The following STRN4 variants were observed in gnomAD, a reference collection of about 807,000 sequenced individuals.
STRN4 encodes the protein striatin-4.
Under a neutral mutation model 77.9 loss-of-function variants are expected in STRN4, and 27 were observed. The observed-to-expected ratio is 0.35, with a 90% confidence interval of 0.26 to 0.48. STRN4 has a LOEUF of 0.48. Ranked by LOEUF, STRN4 falls within the 20% of genes least tolerant of loss-of-function variation. The pLI, the probability that STRN4 is intolerant of heterozygous loss-of-function variation, is 0.99. For missense variants in STRN4, 798 were observed against 1,049.7 expected (o/e 0.76, Z 3.31); for synonymous variants, 466 against 443.1 (o/e 1.05, Z -0.65).
At position 46,741,603 on chromosome 19, in the gene STRN4, T is replaced by A. The variant is rs1299291371; in HGVS notation, c.283-2715A>T. Among the ~76,000 whole-genome samples, 2 of 152,178 alleles carry A rather than the reference T, an allele frequency of 1.3e-5. No homozygotes were observed. Among genetic ancestry groups the A allele is most frequent in the East Asian group, 3.9e-4 (2 of 5,188 alleles). The stretch of plus-strand genomic sequence containing the variant: ...TGAGGGTCGGTCGGGGATCTGGAAG[T>A]GCCGCTCACCATATCCACCCACTGC... On this transcript the variant is annotated intron_variant, in intron 1 of 17. Transcript: ENST00000263280. The surrounding 1 kb of genome is among the most constrained non-coding windows in gnomAD (Gnocchi z 4.9).
At position 46,722,080 on chromosome 19, in the gene STRN4, G is replaced by A. The variant is rs766971840; in HGVS notation, c.2006-8C>T. 9.3e-6 allele frequency: 15 copies of A among 1,612,246 alleles called. No individual in the cohort carries two copies. The highest frequency in any genetic ancestry group is 4.4e-5 in the South Asian group (4 of 91,082). On this transcript the variant is annotated splice_polypyrimidine_tract_variant and splice_region_variant and intron_variant, in intron 15 of 17. Transcript: ENST00000263280. Reference sequence around the variant, plus strand: ...TGGAGTGCACCGGCTTACCTGAGGCGAGAAGGGCGGGTGGCAGGTTCCCCT... The same window carrying A: ...TGGAGTGCACCGGCTTACCTGAGGCAAGAAGGGCGGGTGGCAGGTTCCCCT...
chr19:46,725,599 G>A lies in STRN4; in HGVS notation c.1298C>T (p.Thr433Ile). The A allele has an allele frequency of 1.2e-6, 2 of 1,614,222 alleles. No homozygotes were observed. Among genetic ancestry groups the A allele is most frequent in the Admixed American group, 1.7e-5 (1 of 60,028 alleles). The change falls in exon 10 of 18, where the codon ACC (threonine) becomes ATC (isoleucine). Residue 433 changes from threonine to isoleucine, a missense_variant. Thr to Ile is a moderately conservative substitution (Grantham distance 89, BLOSUM62 -1). This residue lies in a region of STRN4 where 287 missense variants were observed against 473.8 expected (regional missense o/e 0.61). Transcript: ENST00000263280. ...AATGCCGTCGTAGTGCGAGCGCAGG[G>A]TGAACTTGGGGTTCCACGTCTTCTT... ...AFKKTWNPKF[T>I]LRSHYDGIRS...
chr19:46,722,747 A>G, intron 14 of STRN4, 63 bp downstream of exon 14: 2 of 1,596,996 alleles, frequency 1.3e-6, no homozygotes, highest in Non-Finnish European at 1.7e-6. Flanking sequence ...CCAAAGCCCC[A>G]GGAGGAAGTG....
intron 11 of STRN4, 141 bp downstream of exon 11, chr19:46,725,191 G>C: frequency 1.6e-6 from 2 of 1,230,716 alleles, no homozygotes; most frequent in South Asian, 2.7e-5. Flanking sequence ...CCAGGGCTGT[G>C]TATATCATGA....
chr19:46,728,347 G>A lies in STRN4; in HGVS notation c.1039+271C>T, dbSNP rs1210684430. The A allele has an allele frequency of 1.7e-5, 10 of 588,726 alleles. No individual in the cohort carries two copies. The East Asian group carries it at 2.9e-4, about 17-fold the overall frequency. The allele number at this position is 588,726 out of a possible 1,614,324, so 36.5% of individuals were successfully genotyped here. A position where few individuals can be genotyped will look rare whatever the true frequency, so the allele number is the denominator to read the frequency against. On this transcript the variant is annotated intron_variant, in intron 7 of 17. Coordinates refer to ENST00000263280, the MANE Select transcript of STRN4 (RefSeq NM_013403.3). ...TCATCCTGTTCCCTCCTTGAGGCCA[G>A]CCAGAGCTGGACGCCCGCCCTGGAG...
Position 46,725,556 on chromosome 19 carries a change from G to T in STRN4, c.1341C>A (p.His447Gln). 1 of 1,614,216 alleles carries T rather than the reference G, an allele frequency of 6.2e-7. No individual in the cohort carries two copies. The highest frequency in any genetic ancestry group is 8.5e-7 in the Non-Finnish European group (1 of 1,180,042). The change falls in exon 10 of 18, where the codon CAC becomes CAA. Residue 447 changes from histidine (H) to glutamine (Q), a missense_variant. Physicochemically the swap from His to Gln is conservative, Grantham distance 24. Around this residue, in one of 2 missense-constraint regions of STRN4, gnomAD observed 287 missense variants for 473.8 expected, o/e 0.61. Transcript: ENST00000263280. Reference sequence around the variant, plus strand: ...CGGTGAGCAGAGCCGACTGGCTGTGGTGGAAGGCCAGGGAACGAATGCCGT... The same window carrying T: ...CGGTGAGCAGAGCCGACTGGCTGTGTTGGAAGGCCAGGGAACGAATGCCGT... ...HYDGIRSLAF[H>Q]HSQSALLTAS...
chr19:46,735,860 A>C (rs2054349511), intron 4 of STRN4, among the ~76,000 whole-genome samples: 1 of 152,084 alleles, frequency 6.6e-6, no homozygotes, highest in African/African-American at 2.4e-5. Context: ...GCTACTAGGG[A>C]GGCTGAGGCA....
rs1271348332 is a variant in STRN4 at position 46,723,115 on chromosome 19, G to A, written c.1764C>T (p.Ser588=). 8.3e-6 allele frequency: 13 copies of A among 1,563,198 alleles called. No homozygotes were observed. Among genetic ancestry groups the A allele is most frequent in the South Asian group, 3.5e-5 (3 of 85,808 alleles). Residue 588 remains serine (S), a splice_region_variant and synonymous_variant, in exon 13 of 18, where the codon AGC becomes AGT. Coordinates refer to ENST00000263280, the MANE Select transcript of STRN4 (RefSeq NM_013403.3). The surrounding 1 kb of genome is among the most constrained non-coding windows in gnomAD (Gnocchi z 5.5). ...PACLCTFPTA[S]EHGVPTSVAF... ...TGAGGCACCGGGGCCCCCACTCACC[G>A]CTGGCTGTGGGGAAGGTGCAGAGGC...
At chr19:46,739,181 G>C (rs904695788) in intron 1 of STRN4, 7 of 417,852 alleles carry the variant, frequency 1.7e-5, no homozygotes, top group Non-Finnish European at 2.7e-5. Context: ...GCTGCCTTTG[G>C]GGGGAAGTCG....
intron 1 of STRN4, chr19:46,739,486 A>G (rs571312236): frequency 1.3e-5 from 2 of 156,466 alleles, no homozygotes; most frequent in Non-Finnish European, 2.8e-5. Context: ...CACAGACACG[A>G]CCCCGGGTTC....
At chr19:46,746,070 T>A in intron 1 of STRN4, 79 bp downstream of exon 1, 2 of 1,216,534 alleles carry the variant, frequency 1.6e-6, no homozygotes, top group Non-Finnish European at 2.1e-6. Flanking sequence ...TGCTCCAAGA[T>A]GGCGGCGGCG....
In STRN4 at chr19:46,741,721, C is replaced by T. The variant is rs1466140242; in HGVS notation, c.283-2833G>A. ...TCTCCGCCCCTCCAGCTATTCCCAG[C>T]AAGGCGACATCTAAAGGCTTCGGAG... On this transcript the variant is annotated intron_variant, in intron 1 of 17. Transcript: ENST00000263280. The surrounding 1 kb of genome is among the most constrained non-coding windows in gnomAD (Gnocchi z 4.9). 6.6e-6 allele frequency among the ~76,000 whole-genome samples: 1 copy of T among 152,232 alleles called. No individual in the cohort carries two copies. The highest frequency in any genetic ancestry group is 1.5e-5 in the Non-Finnish European group (1 of 68,048).
chr19:46,728,228 C>T, intron 7 of STRN4: 1 of 660,106 alleles, frequency 1.5e-6, no homozygotes, highest in Non-Finnish European at 2.7e-6. Flanking sequence ...GCCCCAGCCA[C>T]CCATCCCACG....
Position 46,746,443 on chromosome 19 carries a change from G to GCCGGCCCGCGCGC in STRN4, c.-14_-13insGCGCGCGGGCCGG. 20 of 1,006,158 alleles carry GCCGGCCCGCGCGC rather than the reference G, an allele frequency of 2.0e-5. No homozygotes were observed. Among genetic ancestry groups the GCCGGCCCGCGCGC allele is most frequent in the Non-Finnish European group, 2.1e-5 (18 of 845,550 alleles). The allele number at this position is 1,006,158 out of a possible 1,614,324, so 62.3% of individuals were successfully genotyped here. ...GCTCCTCCATCATGGAGGCCCCGGG[G>GCCGGCCCGCGCGC]CCGGCCTGCGCGCCCGCTGTGCCTC... is the stretch of plus-strand genomic sequence containing the variant. On this transcript the variant is annotated 5_prime_UTR_variant, in exon 1 of 18. Transcript: ENST00000263280.
rs1446128253 is a variant in STRN4, at chr19:46,723,783, C to T, written c.1595-499G>A. Among the ~76,000 whole-genome samples the T allele has an allele frequency of 1.3e-5, 2 of 152,212 alleles. No homozygotes were observed. Among genetic ancestry groups the T allele is most frequent in the African/African-American group, 4.8e-5 (2 of 41,446 alleles). On this transcript the variant is annotated intron_variant, in intron 12 of 17. Transcript: ENST00000263280. This position sits in a 1 kb window ranked among gnomAD's most constrained non-coding sequence, Gnocchi z 5.5. ...CTGCTTCCCTGGTTGCTGGAGTCCACACCAGCAGCTCTGGCCTGCTGACAC... is the reference window on the plus strand; with the variant it reads ...CTGCTTCCCTGGTTGCTGGAGTCCATACCAGCAGCTCTGGCCTGCTGACAC...
rs199994016 is a variant in STRN4, at chr19:46,720,788, G to A, written c.2093-17C>T. ...AGTCATGGCCTGCACATGTGTCGGG[G>A]ACAGAAGGGGTGGTCACTGGGCTCC... On this transcript the variant is annotated splice_polypyrimidine_tract_variant and intron_variant, in intron 16 of 17. Coordinates refer to ENST00000263280, the MANE Select transcript of STRN4 (RefSeq NM_013403.3). 1.3e-6 allele frequency: 2 copies of A among 1,538,254 alleles called. No individual in the cohort carries two copies. Among genetic ancestry groups the A allele is most frequent in the Admixed American group, 1.9e-5 (1 of 53,452 alleles).
At chr19:46,724,249 C>CAAAAAAAAAAAAAAAAAAAAAAAA (rs71970589) in intron 12 of STRN4, among the ~76,000 whole-genome samples, 2 of 87,204 alleles carry the variant, frequency 2.3e-5, no homozygotes, top group Admixed American at 1.3e-4. Context: ...CTCTTTGTCT[C>CAAAAAAAAAAAAAAAAAAAAAAAA]AAAAAAAAAA....
At chr19:46,731,161 T>G (rs1438238833) in intron 5 of STRN4, among the ~76,000 whole-genome samples, 1 of 152,230 alleles carries the variant, frequency 6.6e-6, no homozygotes, top group Middle Eastern at 3.4e-3. Context: ...CAAATCTCCA[T>G]CCTGTGCTGA....
chr19:46,745,188 C>A (rs1318830708), intron 1 of STRN4, among the ~76,000 whole-genome samples: 1 of 152,070 alleles, frequency 6.6e-6, no homozygotes, highest in Non-Finnish European at 1.5e-5. Flanking sequence ...ATGCCCAACA[C>A]CCCACACTCC....
Sources: gnomAD v4.1 joint callset for allele counts (sites outside exome capture counted in the v4.1 genomes callset) on GRCh38, gnomAD v4.1.1 for gene constraint, gnomAD v4.1.1 regional missense constraint, Gnocchi (gnomAD v3.1) non-coding constraint, MANE v1.5 for transcripts, NCBI Gene and HGNC (gene_info 2026-07-23, HGNC 2026-07-21) for gene names.